LIG3: variants seen among roughly 807,000 people sequenced by gnomAD.
LIG3 encodes the protein DNA ligase 3.
In LIG3, 58 loss-of-function variants were observed where a neutral mutation model predicts 110.9. The observed-to-expected ratio is 0.52, with a 90% CI of 0.42 to 0.65. The LOEUF (loss-of-function observed/expected upper bound fraction) is 0.65. Ranked by LOEUF, LIG3 falls within the 30% of genes least tolerant of loss-of-function variation. The pLI, the probability that LIG3 is intolerant of heterozygous loss-of-function variation, is 0.00. For missense variants in LIG3, 1,094 were observed against 1,273.8 expected, an observed-to-expected ratio of 0.86 and a Z score of 2.15; for synonymous variants, 422 against 472.8, an observed-to-expected ratio of 0.89 and a Z score of 1.39.
At chr17:34,980,822 C>A (rs958279482) in intron 1 of LIG3, 200 bp downstream of exon 1, 26 of 164,642 alleles carry the variant, frequency 1.6e-4, no homozygotes, top group African/African-American at 6.2e-4. Flanking sequence ...TCCCCGGGAC[C>A]CCCACGGGGC....
intron 4 of LIG3, 92 bp from the exon 5 acceptor site, chr17:34,990,871 A>G: frequency 8.0e-7 from 1 of 1,246,770 alleles, no homozygotes. Context: ...TGCTGAGATT[A>G]CAGGTGTGAG....
chr17:34,983,499 G>A lies in LIG3; in HGVS notation c.494G>A (p.Gly165Asp). Residue 165 changes from glycine to aspartate, a missense_variant, in exon 2 of 20, where the codon GGC becomes GAC. Gly to Asp is a moderately conservative substitution (Grantham distance 94). Transcript: ENST00000378526. The part of the protein sequence containing the change: ...KKIEDLTELE[G>D]WEELEDNEKE... ...ATCGAGGACCTCACAGAGCTGGAAG[G>A]CTGGGAAGAGCTGGAAGATAATGAG... 1 of 1,614,082 alleles carries A rather than the reference G, an allele frequency of 6.2e-7. No individual in the cohort carries two copies. Among genetic ancestry groups the A allele is most frequent in the Non-Finnish European group, 8.5e-7 (1 of 1,180,010 alleles).
chr17:34,997,690 A>C (rs903518096), intron 11 of LIG3, 48 bp from the exon 12 acceptor site: 5 of 1,353,014 alleles, frequency 3.7e-6, no homozygotes, highest in Non-Finnish European at 5.3e-6. Context: ...AATTCCTAAT[A>C]AGGGAGGGAG....
Position 34,994,364 on chromosome 17 carries a change from A to G in LIG3, c.1544A>G (p.Gln515Arg). The change falls in exon 9 of 20, where the codon CAG (glutamine) becomes CGG (arginine). Residue 515 changes from glutamine to arginine, a missense_variant. Gln to Arg is a conservative substitution (Grantham distance 43). Transcript: ENST00000378526. ...SEIKYDGERV[Q>R]VHKNGDHFSY... ...ATCAAGTACGATGGAGAGCGAGTCC[A>G]GGTGCATAAGAATGGAGACCACTTC... 1 of 1,614,168 alleles carries G rather than the reference A, an allele frequency of 6.2e-7. No individual in the cohort carries two copies. Among genetic ancestry groups the G allele is most frequent in the Non-Finnish European group, 8.5e-7 (1 of 1,179,998 alleles).
intron 9 of LIG3, 65 bp from the exon 10 acceptor site, chr17:34,995,999 C>T: frequency 6.4e-7 from 1 of 1,569,106 alleles, no homozygotes; most frequent in South Asian, 1.2e-5. Context: ...CTTTGCCCTC[C>T]ATGGCATGGT....
At chr17:34,986,246 GCTT>G in intron 3 of LIG3, 115 bp downstream of exon 3, 5 of 1,041,922 alleles carry the variant, frequency 4.8e-6, no homozygotes, top group Non-Finnish European at 7.2e-6. Flanking sequence ...TTAATAATTT[GCTT>G]CTGTCTGAGC....
At position 35,008,275 on chromosome 17, in the gene LIG3, G is replaced by A. The variant is rs550362946; in HGVS notation, c.*3769G>A. 4 of 152,178 alleles carry A rather than the reference G, an allele frequency of 2.6e-5. No homozygotes were observed. Among genetic ancestry groups the A allele is most frequent in the Non-Finnish European group, 5.9e-5 (4 of 68,056 alleles). 9.4% of individuals were successfully genotyped at this position (152,178 alleles called of 1,614,324 possible). ...CTACCCAGCTCTCATTCTCTTCTAG[G>A]TTGTTCCATGGCCTCTTCCATATAT... On this transcript the variant is annotated 3_prime_UTR_variant, in exon 20 of 20. Transcript: ENST00000378526.
intron 3 of LIG3, among the ~76,000 whole-genome samples, chr17:34,988,629 C>T (rs1201834280): frequency 6.6e-6 from 1 of 152,146 alleles, no homozygotes; most frequent in Non-Finnish European, 1.5e-5. Context: ...GCCCCTTGAC[C>T]ACCTTTTGTA....
At position 34,980,576 on chromosome 17, in the gene LIG3, T is replaced by A. The variant is rs776046579; in HGVS notation, c.-51T>A. On this transcript the variant is annotated 5_prime_UTR_variant, in exon 1 of 20. The change abolishes an upstream ATG in the 5' untranslated region. Transcript: ENST00000378526. Reference sequence around the variant, plus strand: ...GTCGTGGGCTGCCCGCGGCCTGTAATGAGCAAGTTCCGAGGCCTACGGTGA... The same window carrying A: ...GTCGTGGGCTGCCCGCGGCCTGTAAAGAGCAAGTTCCGAGGCCTACGGTGA... The A allele has an allele frequency of 1.1e-5, 14 of 1,287,492 alleles. No homozygotes were observed. The highest frequency in any genetic ancestry group is 1.3e-5 in the Non-Finnish European group (13 of 987,814). The allele number at this position is 1,287,492 out of a possible 1,614,324, so 79.8% of individuals were successfully genotyped here.
rs2090901581 is a variant in LIG3 at position 35,007,215 on chromosome 17, G to A, written c.*2709G>A. On this transcript the variant is annotated 3_prime_UTR_variant, in exon 20 of 20. Transcript: ENST00000378526. ...TTACACCCAGAGTGCACACTCACAG[G>A]AAAGGGCCTCTGCTGGCTGCAGGTG... 1 of 152,254 alleles carries A rather than the reference G, an allele frequency of 6.6e-6. No individual in the cohort carries two copies. The highest frequency in any genetic ancestry group is 2.4e-5 in the African/African-American group (1 of 41,452). The allele number at this position is 152,254 out of a possible 1,614,324, so 9.4% of individuals were successfully genotyped here.
In LIG3 at chr17:35,005,870, A is replaced by C; in HGVS notation, c.*1364A>C. On this transcript the variant is annotated 3_prime_UTR_variant, in exon 20 of 20. Coordinates refer to ENST00000378526, the MANE Select transcript of LIG3 (RefSeq NM_013975.4). ...GCAGCAGTAAAAGAAATACCTAGCG[A>C]AAAAAACAGGAAGCATATTGAAGCT... 2.8e-6 allele frequency: 1 copy of C among 360,298 alleles called. No individual in the cohort carries two copies. The highest frequency in any genetic ancestry group is 5.5e-6 in the Non-Finnish European group (1 of 183,220). 22.3% of individuals were successfully genotyped at this position (360,298 alleles called of 1,614,324 possible). A position where few individuals can be genotyped will look rare whatever the true frequency, so the allele number is the denominator to read the frequency against.
chr17:35,001,587 CCTT>C (rs1171753004), intron 17 of LIG3, among the ~76,000 whole-genome samples, 184 bp downstream of exon 17: 2 of 152,202 alleles, frequency 1.3e-5, no homozygotes, highest in Non-Finnish European at 2.9e-5. Context: ...CACTAGACCT[CCTT>C]CTCCCTCCAT....
chr17:34,981,045 C>G (rs1304971857), intron 1 of LIG3: 1 of 152,258 alleles, frequency 6.6e-6, no homozygotes, highest in Non-Finnish European at 1.5e-5. Flanking sequence ...CGCCGCCGAC[C>G]CCACTGTCCC....
At position 35,007,941 on chromosome 17, in the gene LIG3, A is replaced by G. The variant is rs772258687; in HGVS notation, c.*3435A>G. ...TTTTTAGTAGAGACCACGTTTCGCC[A>G]TGTTGTCCAGACTGGTCTCAAACTC... On this transcript the variant is annotated 3_prime_UTR_variant, in exon 20 of 20. Transcript: ENST00000378526. 8 of 152,160 alleles carry G rather than the reference A, an allele frequency of 5.3e-5. No homozygotes were observed. Among genetic ancestry groups the G allele is most frequent in the African/African-American group, 7.2e-5 (3 of 41,416 alleles). The allele number at this position is 152,160 out of a possible 1,614,324, so 9.4% of individuals were successfully genotyped here. A position where few individuals can be genotyped will look rare whatever the true frequency, so the allele number is the denominator to read the frequency against.
At position 35,006,048 on chromosome 17, in the gene LIG3, A is replaced by G. The variant is rs2090893287; in HGVS notation, c.*1542A>G. On this transcript the variant is annotated 3_prime_UTR_variant, in exon 20 of 20. Coordinates refer to ENST00000378526, the MANE Select transcript of LIG3 (RefSeq NM_013975.4). The stretch of plus-strand genomic sequence containing the variant: ...GAAAATATACTCCATATCTGCAGGG[A>G]AAAAAATAAAAATCCACACCTGAGA... 4.2e-6 allele frequency: 1 copy of G among 235,364 alleles called. No individual in the cohort carries two copies. The highest frequency in any genetic ancestry group is 2.3e-5 in the African/African-American group (1 of 43,146). The allele number at this position is 235,364 out of a possible 1,614,324, so 14.6% of individuals were successfully genotyped here. A position where few individuals can be genotyped will look rare whatever the true frequency, so the allele number is the denominator to read the frequency against.
intron 8 of LIG3, 119 bp from the exon 9 acceptor site, chr17:34,994,157 G>A (rs1032375063): frequency 2.4e-6 from 2 of 844,832 alleles, no homozygotes; most frequent in Non-Finnish European, 3.6e-6. Context: ...GTTAATTGTG[G>A]GCAGTCAGTC....
intron 1 of LIG3, 96 bp downstream of exon 1, chr17:34,980,718 C>A (rs933132431): frequency 3.0e-6 from 2 of 655,752 alleles, no homozygotes; most frequent in Non-Finnish European, 3.8e-6. Context: ...GGGGAGCCAG[C>A]CCCCCGGCTC....
chr17:34,998,638 A>C lies in LIG3; in HGVS notation c.2024A>C (p.Lys675Thr), dbSNP rs2090806116. The C allele has an allele frequency of 6.2e-7, 1 of 1,614,206 alleles. No individual in the cohort carries two copies. The highest frequency in any genetic ancestry group is 8.5e-7 in the Non-Finnish European group (1 of 1,180,018). ...TYEPGKRHWL[K>T]VKKDYLNEGA... The stretch of plus-strand genomic sequence containing the variant: ...GAGCCTGGGAAGCGGCACTGGCTGA[A>C]AGTGAAGAAAGACTATTTGAACGAG... The change falls in exon 14 of 20, where the codon AAA becomes ACA. Residue 675 changes from lysine to threonine, a missense_variant. Transcript: ENST00000378526.
intron 1 of LIG3, 94 bp downstream of exon 1, chr17:34,980,716 A>T (rs921763423): frequency 2.0e-3 from 1,464 of 724,932 alleles, no homozygotes; most frequent in Non-Finnish European, 2.3e-3. Context: ...CCGGGGAGCC[A>T]GCCCCCCGGC....
Sources: allele counts gnomAD v4.1 joint callset (sites outside exome capture counted in the v4.1 genomes callset), GRCh38; gene constraint gnomAD v4.1.1; transcripts MANE v1.5; gene names NCBI Gene and HGNC (gene_info 2026-07-23, HGNC 2026-07-21).